CRTAC1: variants seen among roughly 807,000 people sequenced by gnomAD.
CRTAC1 encodes the protein cartilage acidic protein 1.
CRTAC1 carries 37 observed loss-of-function variants against 67.8 expected under a neutral mutation model. The observed-to-expected ratio is 0.55, with a 90% confidence interval of 0.42 to 0.72. The LOEUF (loss-of-function observed/expected upper bound fraction) is 0.72. Ranked by LOEUF, CRTAC1 falls within the 30% of genes least tolerant of loss-of-function variation. CRTAC1 has a pLI of 0.00. For synonymous variants in CRTAC1, 348 were observed against 371.0 expected, an observed-to-expected ratio of 0.94 and a Z score of 0.71; for missense variants, 780 against 931.6, an observed-to-expected ratio of 0.84 and a Z score of 2.12.
chr10:97,917,335 G>A (rs1445891127), intron 5 of CRTAC1, among the ~76,000 whole-genome samples, 165 bp downstream of exon 5: 1 of 152,186 alleles, frequency 6.6e-6, no homozygotes, highest in East Asian at 1.9e-4. Flanking sequence ...TGTGGGAGAA[G>A]CCTTCTGTGG....
chr10:97,901,085 C>T (rs56866893), intron 8 of CRTAC1, among the ~76,000 whole-genome samples: 1,963 of 100,140 alleles, frequency 0.02, no homozygotes, highest in South Asian at 0.048. Flanking sequence ...GATTGGACCC[C>T]GTAGCCCCTT....
At chr10:97,900,621 G>C (rs1223028446) in intron 8 of CRTAC1, among the ~76,000 whole-genome samples, 1 of 138,942 alleles carries the variant, frequency 7.2e-6, no homozygotes, top group Non-Finnish European at 1.5e-5. Flanking sequence ...CCCTTTTCCT[G>C]GTAGTGATTG....
At chr10:97,936,827 A>T (rs992732193) in intron 2 of CRTAC1, among the ~76,000 whole-genome samples, 1 of 152,230 alleles carries the variant, frequency 6.6e-6, no homozygotes, top group Admixed American at 6.5e-5. Context: ...GAGGTTTATC[A>T]GGGAAACTGA....
At chr10:98,006,867 T>C (rs1236788854) in intron 2 of CRTAC1, among the ~76,000 whole-genome samples, 1 of 152,128 alleles carries the variant, frequency 6.6e-6, no homozygotes, top group Non-Finnish European at 1.5e-5. Flanking sequence ...CTGATGAAGA[T>C]TTCAAATGCA....
At chr10:97,909,832 TAAAGA>T (rs1348354914) in intron 5 of CRTAC1, among the ~76,000 whole-genome samples, 1 of 152,086 alleles carries the variant, frequency 6.6e-6, no homozygotes, top group African/African-American at 2.4e-5. Context: ...GATGAATACA[TAAAGA>T]AAACGTGATA....
At position 97,998,986 on chromosome 10, in the gene CRTAC1, TA is replaced by T. The variant is rs113278784; in HGVS notation, c.224+12151del. ...GGTATAAATCCCAAATCAATAGGGGTAAAAAAAAAATGGGATTTAGAAAACA... is the reference window on the plus strand; with the variant it reads ...GGTATAAATCCCAAATCAATAGGGGTAAAAAAAAATGGGATTTAGAAAACA... On this transcript the variant is annotated intron_variant, in intron 2 of 14. Coordinates refer to ENST00000370597, the MANE Select transcript of CRTAC1 (RefSeq NM_018058.7). Among the ~76,000 whole-genome samples, 842 of 147,784 alleles carry T rather than the reference TA, an allele frequency of 5.7e-3. 4 individuals carry two copies. Among genetic ancestry groups the T allele is most frequent in the Admixed American group, 7.3e-3 (109 of 14,834 alleles).
intron 2 of CRTAC1, among the ~76,000 whole-genome samples, chr10:97,999,362 C>T (rs977186627): frequency 2.0e-5 from 3 of 152,240 alleles, no homozygotes; most frequent in African/African-American, 7.2e-5. Flanking sequence ...GCTGTTGGCA[C>T]CTGCTTTAAT....
In CRTAC1 at chr10:97,988,827, T is replaced by A. The variant is rs181438270; in HGVS notation, c.224+22311A>T. Among the ~76,000 whole-genome samples, 366 of 152,352 alleles carry A rather than the reference T, an allele frequency of 2.4e-3. 3 individuals are homozygous for A. The highest frequency in any genetic ancestry group is 0.021 in the South Asian group (100 of 4,826). ...ATTTTGTGTGCATTATTTTAACTAT[T>A]GTGATGGTCAGTTTCATGTGTCAAT... On this transcript the variant is annotated intron_variant, in intron 2 of 14. Transcript: ENST00000370597.
Position 97,917,618 on chromosome 10 carries a change from G to T in CRTAC1, c.597C>A (p.Ala199=), listed in dbSNP as rs766524667. ...GRYSIYIANY[A]YGNVGPDALI... is the part of the protein sequence containing the mutation. ...GGGCATCAGGGCCCACATTACCGTA[G>T]GCGTAATTGGCAATGTAGATAGAGT... Residue 199 remains alanine (A), a synonymous_variant, in exon 5 of 15, where the codon GCC becomes GCA. Coordinates refer to ENST00000370597, the MANE Select transcript of CRTAC1 (RefSeq NM_018058.7). 2 of 1,597,396 alleles carry T rather than the reference G, an allele frequency of 1.3e-6. No individual in the cohort carries two copies. Among genetic ancestry groups the T allele is most frequent in the Non-Finnish European group, 1.7e-6 (2 of 1,169,844 alleles).
intron 13 of CRTAC1, among the ~76,000 whole-genome samples, chr10:97,880,690 C>T (rs973603307): frequency 6.6e-5 from 10 of 152,130 alleles, no homozygotes; most frequent in Admixed American, 1.3e-4. Flanking sequence ...AACCTCTCCC[C>T]GTGGCTCCAG....
intron 14 of CRTAC1, chr10:97,870,405 T>C (rs1377773842): frequency 6.6e-6 from 1 of 152,048 alleles, no homozygotes; most frequent in East Asian, 1.9e-4. Flanking sequence ...CAGGCCAAAC[T>C]CGCCTTTGAT....
chr10:97,950,588 C>T (rs544759300), intron 2 of CRTAC1, among the ~76,000 whole-genome samples: 4 of 152,216 alleles, frequency 2.6e-5, no homozygotes, highest in African/African-American at 7.2e-5. Flanking sequence ...ACACAGGTCA[C>T]GGGCCTTGTT....
chr10:97,973,755 C>T (rs1408364148), intron 2 of CRTAC1, among the ~76,000 whole-genome samples: 1 of 152,184 alleles, frequency 6.6e-6, no homozygotes, highest in Non-Finnish European at 1.5e-5. Flanking sequence ...CTCCACCTAA[C>T]TCCTTCCTTA....
Position 98,011,132 on chromosome 10 carries a change from A to C in CRTAC1, c.224+6T>G, listed in dbSNP as rs1590290001. 1.9e-6 allele frequency: 3 copies of C among 1,613,230 alleles called. No homozygotes were observed. In the Admixed American group the frequency reaches 5.0e-5, roughly 27 times the overall value. On this transcript the variant is annotated splice_donor_region_variant and intron_variant, in intron 2 of 14. Coordinates refer to ENST00000370597, the MANE Select transcript of CRTAC1 (RefSeq NM_018058.7). ...ATCTGTCACACTGAGGGTGGGAGGC[A>C]CTTACCCCGCCACGACGATCTCAAA...
At chr10:98,016,262 C>T (rs1472018343) in intron 1 of CRTAC1, among the ~76,000 whole-genome samples, 3 of 152,160 alleles carry the variant, frequency 2.0e-5, no homozygotes, top group Admixed American at 2.0e-4. Context: ...AAACATATGC[C>T]ACTGTGTTCC....
intron 2 of CRTAC1, 80 bp from the exon 3 acceptor site, chr10:97,936,446 G>T: frequency 1.6e-6 from 2 of 1,229,510 alleles, no homozygotes; most frequent in Non-Finnish European, 2.3e-6. Context: ...CAACGGGCTG[G>T]GAGTCCTCCC....
chr10:97,927,896 C>T (rs2050946282), intron 3 of CRTAC1, among the ~76,000 whole-genome samples: 1 of 152,238 alleles, frequency 6.6e-6, no homozygotes, highest in African/African-American at 2.4e-5. Flanking sequence ...GCCCCTGGCC[C>T]ATGTCAGCAT....
intron 2 of CRTAC1, among the ~76,000 whole-genome samples, chr10:97,956,401 C>A (rs577347635): frequency 6.6e-6 from 1 of 152,156 alleles, no homozygotes; most frequent in African/African-American, 2.4e-5. Context: ...CTGGGACTTG[C>A]GTGAGCCCCT....
intron 2 of CRTAC1, among the ~76,000 whole-genome samples, chr10:98,006,078 C>T (rs1842783614): frequency 1.3e-5 from 2 of 152,174 alleles, no homozygotes; most frequent in Non-Finnish European, 2.9e-5. Context: ...TTTGAGCAAA[C>T]TCCTTTTGGA....
Sources: allele counts gnomAD v4.1 joint callset (sites outside exome capture counted in the v4.1 genomes callset), GRCh38; gene constraint gnomAD v4.1.1; transcripts MANE v1.5; gene names NCBI Gene and HGNC (gene_info 2026-07-23, HGNC 2026-07-21).